Variants in RBFOX3 observed in about 807,000 individuals in gnomAD.
The protein encoded by RBFOX3 is RNA binding protein fox-1 homolog 3.
In RBFOX3, 17 loss-of-function variants were observed where a neutral mutation model predicts 48.7. The observed-to-expected ratio is 0.35, with a 90% confidence interval of 0.24 to 0.52. RBFOX3 has a LOEUF of 0.52. RBFOX3 is among the 20% of genes least tolerant of loss of function. The pLI, the probability that RBFOX3 is intolerant of heterozygous loss-of-function variation, is 0.94. For synonymous variants in RBFOX3, 212 were observed against 209.5 expected (o/e 1.01, Z -0.10); for missense variants, 382 against 497.5 (o/e 0.77, Z 2.21).
chr17:79,563,311 A>C (rs906501857), intron 1 of RBFOX3, among the ~76,000 whole-genome samples: 1 of 152,192 alleles, frequency 6.6e-6, no homozygotes, highest in Admixed American at 6.5e-5. Context: ...TCATCTATTG[A>C]TCAGACTGTC....
At chr17:79,106,069 G>A (rs911793843) in intron 6 of RBFOX3, among the ~76,000 whole-genome samples, 5 of 152,326 alleles carry the variant, frequency 3.3e-5, no homozygotes, top group South Asian at 2.1e-4. Flanking sequence ...ACAGGCCCTC[G>A]GAGTCCAGCA....
intron 3 of RBFOX3, among the ~76,000 whole-genome samples, chr17:79,284,929 G>A (rs528473555): frequency 1.3e-5 from 2 of 152,246 alleles, no homozygotes; most frequent in Admixed American, 1.3e-4. Flanking sequence ...CTCTGGCCCT[G>A]GTGTTCGGAG....
At chr17:79,340,916 C>A (rs146077031) in intron 2 of RBFOX3, among the ~76,000 whole-genome samples, 14 of 152,242 alleles carry the variant, frequency 9.2e-5, no homozygotes, top group African/African-American at 3.4e-4. Flanking sequence ...GTTTGAAAAC[C>A]TTTCAGAATG....
chr17:79,383,691 G>A (rs999056388), intron 2 of RBFOX3, among the ~76,000 whole-genome samples: 2 of 152,168 alleles, frequency 1.3e-5, no homozygotes, highest in Non-Finnish European at 2.9e-5. Flanking sequence ...CATGTGGTGG[G>A]AATCATGATG....
At chr17:79,126,195 C>T (rs878882587) in intron 4 of RBFOX3, among the ~76,000 whole-genome samples, 4 of 152,212 alleles carry the variant, frequency 2.6e-5, no homozygotes, top group African/African-American at 7.2e-5. Flanking sequence ...GGAACACAGA[C>T]GTGTGAAAGT....
At chr17:79,118,869 T>C (rs2034873677) in intron 4 of RBFOX3, among the ~76,000 whole-genome samples, 1 of 146,532 alleles carries the variant, frequency 6.8e-6, no homozygotes, top group South Asian at 2.1e-4. Context: ...CCCAGTAATG[T>C]GGGAGGCTGA....
intron 2 of RBFOX3, among the ~76,000 whole-genome samples, chr17:79,388,039 T>C (rs1476223922): frequency 6.7e-6 from 1 of 149,690 alleles, no homozygotes; most frequent in Non-Finnish European, 1.5e-5. Context: ...TATGAACTTG[T>C]GTGCATGTAC....
chr17:79,419,502 C>T (rs1384688888), intron 2 of RBFOX3, among the ~76,000 whole-genome samples: 2 of 152,210 alleles, frequency 1.3e-5, no homozygotes, highest in African/African-American at 4.8e-5. Flanking sequence ...TGTGCATGTA[C>T]ACACACGTGT....
intron 1 of RBFOX3, among the ~76,000 whole-genome samples, chr17:79,530,023 T>C (rs1555786911): frequency 6.6e-6 from 1 of 152,196 alleles, no homozygotes; most frequent in African/African-American, 2.4e-5. Context: ...ACAGAAGAAG[T>C]TCGCCGACCC....
chr17:79,132,251 A>G (rs547355316), intron 4 of RBFOX3, among the ~76,000 whole-genome samples: 195 of 26,710 alleles, frequency 7.3e-3, no homozygotes, highest in African/African-American at 0.028. Context: ...GGGTCTCTGC[A>G]GCGGGTAGAC....
intron 1 of RBFOX3, among the ~76,000 whole-genome samples, chr17:79,516,932 C>T (rs1419966264): frequency 1.3e-5 from 2 of 151,832 alleles, no homozygotes; most frequent in East Asian, 1.9e-4. Flanking sequence ...GAGTCATACT[C>T]GTAGACACAG....
At position 79,473,838 on chromosome 17, in the gene RBFOX3, ACT is replaced by A. The variant is rs1303188742; in HGVS notation, c.-175+8614_-175+8615del. ...CCTCCTCCTAAAAGCACACACACAC[ACT>A]CACACACACACACACGCAGAACTAA... is the stretch of plus-strand genomic sequence containing the variant. On this transcript the variant is annotated intron_variant, in intron 2 of 14. Coordinates refer to ENST00000693108, the MANE Select transcript of RBFOX3 (RefSeq NM_001350451.2). This position sits in a 1 kb window ranked among gnomAD's most constrained non-coding sequence, Gnocchi z 4.2. Among the ~76,000 whole-genome samples, 3 of 151,784 alleles carry A rather than the reference ACT, an allele frequency of 2.0e-5. No individual in the cohort carries two copies. The highest frequency in any genetic ancestry group is 7.3e-5 in the African/African-American group (3 of 41,300).
At chr17:79,277,548 T>G (rs750799649) in intron 3 of RBFOX3, among the ~76,000 whole-genome samples, 1 of 152,236 alleles carries the variant, frequency 6.6e-6, no homozygotes, top group Non-Finnish European at 1.5e-5. Flanking sequence ...TCTCTGCTGT[T>G]ACAGCCGACG....
chr17:79,226,983 A>C (rs563645010), intron 4 of RBFOX3, among the ~76,000 whole-genome samples: 112 of 152,130 alleles, frequency 7.4e-4, no homozygotes, highest in African/African-American at 2.6e-3. Flanking sequence ...GGGACCTCTC[A>C]CTCTGGCCTG....
At chr17:79,262,350 G>T (rs572639195) in intron 3 of RBFOX3, among the ~76,000 whole-genome samples, 1 of 152,352 alleles carries the variant, frequency 6.6e-6, no homozygotes, top group African/African-American at 2.4e-5. Context: ...TGGCCTGGGA[G>T]CCAGCCATGA....
chr17:79,314,648 G>GT (rs34822575), intron 2 of RBFOX3, among the ~76,000 whole-genome samples: 46,956 of 152,050 alleles, frequency 0.31, 8,639 homozygotes, highest in East Asian at 0.45. Context: ...TAAAAGGAAC[G>GT]TATCAGAAAC....
intron 3 of RBFOX3, among the ~76,000 whole-genome samples, chr17:79,236,147 T>C (rs2061606305): frequency 6.6e-6 from 1 of 152,208 alleles, no homozygotes; most frequent in Non-Finnish European, 1.5e-5. Flanking sequence ...TGGTTTGAGG[T>C]TGTCCACAAA....
At chr17:79,625,295 C>A in the RBFOX3 span, among the ~76,000 whole-genome samples, 1 of 152,182 alleles carries the variant, frequency 6.6e-6, no homozygotes, top group Non-Finnish European at 1.5e-5. Flanking sequence ...TGCCTTCCCT[C>A]AGCACCATTC....
At chr17:79,469,369 G>A (rs2076774830) in intron 2 of RBFOX3, among the ~76,000 whole-genome samples, 1 of 152,198 alleles carries the variant, frequency 6.6e-6, no homozygotes. Context: ...ATGCAGTCCT[G>A]GGAATCCAGG....
Sources: gnomAD v4.1 joint callset for allele counts (sites outside exome capture counted in the v4.1 genomes callset) on GRCh38, gnomAD v4.1.1 for gene constraint, Gnocchi (gnomAD v3.1) non-coding constraint, MANE v1.5 for transcripts, NCBI Gene and HGNC (gene_info 2026-07-23, HGNC 2026-07-21) for gene names.